Variants in TNFAIP2 observed in about 807,000 individuals in gnomAD.
The protein encoded by TNFAIP2 is tumor necrosis factor alpha-induced protein 2.
A neutral mutation model predicts 63.5 loss-of-function variants in TNFAIP2; 47 were observed. The ratio of observed to expected loss-of-function variants is 0.74; its 90% CI spans 0.59 to 0.94. The LOEUF (loss-of-function observed/expected upper bound fraction) is 0.94, where lower values mean the gene tolerates loss of function less well. Among genes scored for constraint, TNFAIP2 ranks in the 40% least tolerant of loss-of-function variants. TNFAIP2 has a pLI of 0.00. For synonymous variants in TNFAIP2, 405 were observed against 390.2 expected, an observed-to-expected ratio of 1.04 and a Z score of -0.45; for missense variants, 787 against 850.2, an observed-to-expected ratio of 0.93 and a Z score of 0.92.
chr14:103,128,834 G>A (rs1476146659), intron 3 of TNFAIP2, among the ~76,000 whole-genome samples: 1 of 152,216 alleles, frequency 6.6e-6, no homozygotes, highest in African/African-American at 2.4e-5. Flanking sequence ...CAGTCTTTCT[G>A]TCCCAGTGAC....
Position 103,135,292 on chromosome 14 carries a change from A to T in TNFAIP2, c.1897A>T (p.Ile633Phe). Residue 633 changes from isoleucine (I) to phenylalanine (F), a missense_variant, in exon 12 of 12, where the codon ATC becomes TTC. Physicochemically the swap from Ile to Phe is conservative, Grantham distance 21 (BLOSUM62 0). Coordinates refer to ENST00000560869, the MANE Select transcript of TNFAIP2 (RefSeq NM_006291.4). The surrounding 1 kb of genome is among the most constrained non-coding windows in gnomAD (Gnocchi z 7.6). The stretch of plus-strand genomic sequence containing the variant: ...CAGTGAGGTCAAGCGCATCCGGAGC[A>T]TCTTGGACGTCAGCATGGGGGCGCA... Reference protein sequence around the residue: ...SNSEVKRIRSILDVSMGAQEP... With the variant: ...SNSEVKRIRSFLDVSMGAQEP... 1.2e-6 allele frequency: 2 copies of T among 1,613,986 alleles called. No homozygotes were observed. Among genetic ancestry groups the T allele is most frequent in the Non-Finnish European group, 1.7e-6 (2 of 1,179,968 alleles).
intron 2 of TNFAIP2, 134 bp downstream of exon 2, chr14:103,126,826 T>G: frequency 3.8e-6 from 5 of 1,324,738 alleles, no homozygotes; most frequent in Non-Finnish European, 5.0e-6. Flanking sequence ...CTTTCACCTG[T>G]GCCGCAATCT....
rs919123206 is a variant in TNFAIP2, at chr14:103,136,272, C to T, written c.*912C>T. 4.8e-5 allele frequency: 10 copies of T among 209,020 alleles called. No homozygotes were observed. The highest frequency in any genetic ancestry group is 2.1e-4 in the African/African-American group (9 of 42,834). The allele number at this position is 209,020 out of a possible 1,614,324, so 12.9% of individuals were successfully genotyped here. Reference sequence around the variant, plus strand: ...TGCCGTGACAGGTTTCCACAAACTTCGTGGATCAAAACGAGGTCTTCCAGT... The same window carrying T: ...TGCCGTGACAGGTTTCCACAAACTTTGTGGATCAAAACGAGGTCTTCCAGT... On this transcript the variant is annotated 3_prime_UTR_variant, in exon 12 of 12. Transcript: ENST00000560869.
rs1009250672 is a variant in TNFAIP2, at chr14:103,135,462, C to G, written c.*102C>G. On this transcript the variant is annotated 3_prime_UTR_variant, in exon 12 of 12. Transcript: ENST00000560869. This position sits in a 1 kb window ranked among gnomAD's most constrained non-coding sequence, Gnocchi z 7.6. ...CGCTGGTTCTCGGTTCCTCCCGGGT[C>G]TCCTGTGCTCTGATGCTACTTCTGC... 2.3e-5 allele frequency: 35 copies of G among 1,508,798 alleles called. No individual in the cohort carries two copies. The highest frequency in any genetic ancestry group is 2.8e-5 in the Non-Finnish European group (32 of 1,137,644). The allele number at this position is 1,508,798 out of a possible 1,614,324, so 93.5% of individuals were successfully genotyped here. A position where few individuals can be genotyped will look rare whatever the true frequency, so the allele number is the denominator to read the frequency against.
At position 103,127,696 on chromosome 14, in the gene TNFAIP2, G is replaced by GGTGTCGAGGT. The variant is rs1028348347; in HGVS notation, c.860+71_860+80dup. 11 of 1,397,916 alleles carry GGTGTCGAGGT rather than the reference G, an allele frequency of 7.9e-6. No individual in the cohort carries two copies. The African/African-American group carries it at 1.6e-4, about 20-fold the overall frequency. 86.6% of individuals were successfully genotyped at this position (1,397,916 alleles called of 1,614,324 possible). The stretch of plus-strand genomic sequence containing the variant: ...GTCCTCTGTAGGAGGGGTGTCGAGG[G>GGTGTCGAGGT]GTGTCGAGGTGTGCCGCCGGCAGCT... On this transcript the variant is annotated intron_variant, in intron 3 of 11. Transcript: ENST00000560869. The surrounding 1 kb of genome is among the most constrained non-coding windows in gnomAD (Gnocchi z 5.1).
chr14:103,131,744 C>A lies in TNFAIP2; in HGVS notation c.1404C>A (p.Asn468Lys). 1.2e-6 allele frequency: 2 copies of A among 1,612,394 alleles called. No homozygotes were observed. The highest frequency in any genetic ancestry group is 1.7e-6 in the Non-Finnish European group (2 of 1,179,752). ...ACGGCTTTGACACCCTGCTCCAGAA[C>A]CTGCATGAGGACCTGAAGGTAGCGG... ...KSHGFDTLLQ[N>K]LHEDLKPLFK... Residue 468 changes from asparagine to lysine, a missense_variant, in exon 8 of 12, where the codon AAC (asparagine) becomes AAA (lysine). By Grantham distance (94) the Asn-to-Lys change is moderately conservative (BLOSUM62 0). Coordinates refer to ENST00000560869, the MANE Select transcript of TNFAIP2 (RefSeq NM_006291.4). This position sits in a 1 kb window ranked among gnomAD's most constrained non-coding sequence, Gnocchi z 4.0.
At position 103,131,833 on chromosome 14, in the gene TNFAIP2, C is replaced by A; in HGVS notation, c.1422+71C>A. On this transcript the variant is annotated intron_variant, in intron 8 of 11. Coordinates refer to ENST00000560869, the MANE Select transcript of TNFAIP2 (RefSeq NM_006291.4). This position sits in a 1 kb window ranked among gnomAD's most constrained non-coding sequence, Gnocchi z 4.0. Reference sequence around the variant, plus strand: ...CCAGGGAGGGACTGGGAGGTGCCCCCAGGGAGGAGTGGCAGAAGCAAAGAT... The same window carrying A: ...CCAGGGAGGGACTGGGAGGTGCCCCAAGGGAGGAGTGGCAGAAGCAAAGAT... 2 of 1,551,622 alleles carry A rather than the reference C, an allele frequency of 1.3e-6. No homozygotes were observed. Among genetic ancestry groups the A allele is most frequent in the East Asian group, 2.3e-5 (1 of 43,216 alleles).
rs1329326050 is a variant in TNFAIP2 at position 103,127,215 on chromosome 14, AGCGGCTGCGCCAGGCGCTGGCCGT to A, written c.448_471del (p.Arg150_Val157del). On this transcript the variant is annotated inframe_deletion, in exon 3 of 12. Transcript: ENST00000560869. This position sits in a 1 kb window ranked among gnomAD's most constrained non-coding sequence, Gnocchi z 5.1. ...CGGCGGCCGCTGGAGGCGCCGCCCG[AGCGGCTGCGCCAGGCGCTGGCCGT>A]GGTGGCGGAGCAGGAGCGCGAGGAC... 7.2e-6 allele frequency: 8 copies of A among 1,104,604 alleles called. No homozygotes were observed. The highest frequency in any genetic ancestry group is 2.4e-5 in the South Asian group (1 of 41,426). 68.4% of individuals were successfully genotyped at this position (1,104,604 alleles called of 1,614,324 possible).
At position 103,131,964 on chromosome 14, in the gene TNFAIP2, T is replaced by C. The variant is rs2087984711; in HGVS notation, c.1422+202T>C. 2.3e-5 allele frequency among the ~76,000 whole-genome samples: 2 copies of C among 87,038 alleles called. No homozygotes were observed. Among genetic ancestry groups the C allele is most frequent in the Admixed American group, 2.1e-4 (2 of 9,576 alleles). 57.1% of individuals were successfully genotyped at this position (87,038 alleles called of 152,430 possible). On this transcript the variant is annotated intron_variant, in intron 8 of 11. Coordinates refer to ENST00000560869, the MANE Select transcript of TNFAIP2 (RefSeq NM_006291.4). This position sits in a 1 kb window ranked among gnomAD's most constrained non-coding sequence, Gnocchi z 4.0. Reference sequence around the variant, plus strand: ...AGCAGGCTCTGAACTCCGCCGATCATGTCCTGGGGTTTCACCTGAGAGGGG... The same window carrying C: ...AGCAGGCTCTGAACTCCGCCGATCACGTCCTGGGGTTTCACCTGAGAGGGG...
rs761820807 is a variant in TNFAIP2 at position 103,131,706 on chromosome 14, G to T, written c.1366G>T (p.Glu456Ter). Residue 456 changes from glutamate (E) to a stop codon, truncating the protein, a stop_gained, in exon 8 of 12, where the codon GAG becomes TAG. Transcript: ENST00000560869. LOFTEE classifies it high-confidence loss of function. This position sits in a 1 kb window ranked among gnomAD's most constrained non-coding sequence, Gnocchi z 4.0. ...TLSLLLGPLGELKSHGFDTLL... is the reference protein window; with the variant it reads ...TLSLLLGPLG Reference sequence around the variant, plus strand: ...GAGCCTCCTGCTGGGCCCCCTGGGTGAGCTCAAGAGCCACGGCTTTGACAC... The same window carrying T: ...GAGCCTCCTGCTGGGCCCCCTGGGTTAGCTCAAGAGCCACGGCTTTGACAC... The T allele has an allele frequency of 6.2e-7, 1 of 1,610,768 alleles. No homozygotes were observed. Among genetic ancestry groups the T allele is most frequent in the South Asian group, 1.1e-5 (1 of 91,024 alleles).
chr14:103,135,128 T>C lies in TNFAIP2; in HGVS notation c.1824-91T>C. On this transcript the variant is annotated intron_variant, in intron 11 of 11. Coordinates refer to ENST00000560869, the MANE Select transcript of TNFAIP2 (RefSeq NM_006291.4). The surrounding 1 kb of genome is among the most constrained non-coding windows in gnomAD (Gnocchi z 7.6). ...CCCCTCGTGGGCCGGGCGTTGGCTG[T>C]CGGGCCCTGTGGCACTGGCCGGGAG... is the stretch of plus-strand genomic sequence containing the variant. The C allele has an allele frequency of 3.9e-6, 6 of 1,551,854 alleles. No individual in the cohort carries two copies. Among genetic ancestry groups the C allele is most frequent in the Non-Finnish European group, 5.3e-6 (6 of 1,126,896 alleles).
intron 9 of TNFAIP2, among the ~76,000 whole-genome samples, 194 bp from the exon 10 acceptor site, chr14:103,133,166 ACG>A (rs2088020112): frequency 6.8e-6 from 1 of 147,454 alleles, no homozygotes; most frequent in Admixed American, 6.6e-5. Context: ...GAACACGTGA[ACG>A]CATGCACATG....
At chr14:103,123,048 T>C, upstream of TNFAIP2, 1 of 250,098 alleles carries the variant, frequency 4.0e-6, no homozygotes, top group South Asian at 3.3e-5. Context: ...GAGGGGCGGC[T>C]GGGGAGTTGG....
rs967881472 is a variant in TNFAIP2, at chr14:103,136,445, A to C, written c.*1085A>C. 6.6e-6 allele frequency: 1 copy of C among 152,186 alleles called. No homozygotes were observed. The highest frequency in any genetic ancestry group is 2.4e-5 in the African/African-American group (1 of 41,182). 9.4% of individuals were successfully genotyped at this position (152,186 alleles called of 1,614,324 possible). The stretch of plus-strand genomic sequence containing the variant: ...CTTGACTTCAGGCTCCTCCATCTTC[A>C]GAGCCAGCTGTGGGTAGTTGAATCT... On this transcript the variant is annotated 3_prime_UTR_variant, in exon 12 of 12. Transcript: ENST00000560869.
intron 8 of TNFAIP2, among the ~76,000 whole-genome samples, chr14:103,132,076 A>C: frequency 1.1e-5 from 1 of 89,830 alleles, no homozygotes; most frequent in Non-Finnish European, 2.4e-5. Flanking sequence ...GGGCCTGGAA[A>C]AGTTTCACTG....
At chr14:103,130,270 T>C (rs1161071509) in intron 5 of TNFAIP2, 45 bp from the exon 6 acceptor site, 8 of 1,536,130 alleles carry the variant, frequency 5.2e-6, no homozygotes. Context: ...CCTGCCCCCT[T>C]GTCCAGGCGA....
chr14:103,132,993 T>C (rs1043949137), intron 9 of TNFAIP2, 121 bp downstream of exon 9: 16 of 1,465,520 alleles, frequency 1.1e-5, no homozygotes, highest in Non-Finnish European at 1.1e-5. Context: ...TGAACACACG[T>C]GAATGCACGA....
chr14:103,133,527 T>G lies in TNFAIP2; in HGVS notation c.1701+10T>G. On this transcript the variant is annotated intron_variant, in intron 10 of 11. Coordinates refer to ENST00000560869, the MANE Select transcript of TNFAIP2 (RefSeq NM_006291.4). ...CTTCTGCACCCAGCACGTAAGCCGCTGCCCACCTCTCCCAAGCCCCTCTGA... is the reference window on the plus strand; with the variant it reads ...CTTCTGCACCCAGCACGTAAGCCGCGGCCCACCTCTCCCAAGCCCCTCTGA... 1 of 1,612,472 alleles carries G rather than the reference T, an allele frequency of 6.2e-7. No individual in the cohort carries two copies. The highest frequency in any genetic ancestry group is 2.2e-5 in the East Asian group (1 of 44,866).
At position 103,131,182 on chromosome 14, in the gene TNFAIP2, G is replaced by A. The variant is rs374756392; in HGVS notation, c.1298+32G>A. On this transcript the variant is annotated intron_variant, in intron 7 of 11. Coordinates refer to ENST00000560869, the MANE Select transcript of TNFAIP2 (RefSeq NM_006291.4). This position sits in a 1 kb window ranked among gnomAD's most constrained non-coding sequence, Gnocchi z 4.0. ...GTGTTGGGAGGGGCTTGCGGGAGTG[G>A]GAGTCACTCAGCGGGCAGGAGAGGG... The A allele has an allele frequency of 2.2e-5, 35 of 1,609,350 alleles. No homozygotes were observed. Among genetic ancestry groups the A allele is most frequent in the Non-Finnish European group, 2.6e-5 (30 of 1,176,032 alleles).
Sources: allele counts gnomAD v4.1 joint callset (sites outside exome capture counted in the v4.1 genomes callset), GRCh38; gene constraint gnomAD v4.1.1; non-coding constraint Gnocchi (gnomAD v3.1); transcripts MANE v1.5; gene names NCBI Gene and HGNC (gene_info 2026-07-23, HGNC 2026-07-21).